TPRG1: variants seen among roughly 807,000 people sequenced by gnomAD.
TPRG1 encodes the protein tumor protein p63 regulated 1.
TPRG1 carries 29 observed loss-of-function variants against 29.3 expected under a neutral mutation model. That is an observed-to-expected ratio of 0.99 (90% CI 0.74 to 1.35). TPRG1 has a LOEUF of 1.35. Ranked by LOEUF, TPRG1 falls within the 40% of genes most tolerant of loss-of-function variation. The pLI, the probability that TPRG1 is intolerant of heterozygous loss-of-function variation, is 0.00. For synonymous variants in TPRG1, 130 were observed against 116.8 expected (o/e 1.11, Z -0.73); for missense variants, 327 against 335.0 (o/e 0.98, Z 0.19).
At chr3:189,094,640 T>TTA (rs1439268912) in intron 4 of TPRG1, among the ~76,000 whole-genome samples, 1 of 152,180 alleles carries the variant, frequency 6.6e-6, no homozygotes, top group African/African-American at 2.4e-5. Context: ...GCTGTTTGAA[T>TTA]TATAGCACTC....
At chr3:189,021,798 G>A (rs1164686350) in intron 3 of TPRG1, among the ~76,000 whole-genome samples, 1 of 152,122 alleles carries the variant, frequency 6.6e-6, no homozygotes, top group Non-Finnish European at 1.5e-5. Context: ...GATTGGGGAA[G>A]TTCTCCTGGA....
At chr3:189,317,606 A>G (rs1723742951) in intron 5 of TPRG1, among the ~76,000 whole-genome samples, 1 of 152,232 alleles carries the variant, frequency 6.6e-6, no homozygotes. Context: ...AAAGTCACAC[A>G]GCTATGTGAG....
intron 1 of TPRG1, among the ~76,000 whole-genome samples, chr3:189,183,161 A>G (rs1730461775): frequency 6.6e-6 from 1 of 152,152 alleles, no homozygotes; most frequent in African/African-American, 2.4e-5. Flanking sequence ...TACAAAAGAG[A>G]GAAATTTTAA....
At chr3:189,281,920 G>A (rs566380961) in intron 4 of TPRG1, among the ~76,000 whole-genome samples, 36 of 151,496 alleles carry the variant, frequency 2.4e-4, no homozygotes, top group African/African-American at 5.3e-4. Context: ...TCTCTCTGTC[G>A]CCCAGGCTAG....
rs900799741 is a variant in TPRG1, at chr3:189,012,200, T to C, written c.-660+7440T>C. Among the ~76,000 whole-genome samples the C allele has an allele frequency of 1.2e-4, 18 of 152,234 alleles. 1 individual carries two copies. Among genetic ancestry groups the C allele is most frequent in the African/African-American group, 4.3e-4 (18 of 41,468 alleles). ...TAGGAGTAGTGAGACAGAGCAACCT[T>C]GTGTTGTGCTGGTTTTCAAGAAGAA... On this transcript the variant is annotated intron_variant, in intron 3 of 10. Transcript: ENST00000433971.
chr3:189,098,755 C>T (rs1718862325), upstream of TPRG1, among the ~76,000 whole-genome samples: 1 of 152,132 alleles, frequency 6.6e-6, no homozygotes, highest in Admixed American at 6.5e-5. Flanking sequence ...AAACTAATTT[C>T]CAAGCCTTGT....
In TPRG1 at chr3:189,145,648, C is replaced by T. The variant is rs180829969; in HGVS notation, c.-290-1936C>T. Among the ~76,000 whole-genome samples, 108 of 152,238 alleles carry T rather than the reference C, an allele frequency of 7.1e-4. 3 individuals are homozygous for T. The South Asian group carries it at 0.016, about 22-fold the overall frequency. On this transcript the variant is annotated intron_variant, in intron 3 of 6. Transcript: ENST00000412373. ...AACAGCTAGTATCATGCTTGGCACA[C>T]ATTTTCAATAAATTAATAGCAATAA...
intron 4 of TPRG1, among the ~76,000 whole-genome samples, chr3:189,025,559 G>A (rs1211241983): frequency 6.6e-6 from 1 of 152,166 alleles, no homozygotes; most frequent in Non-Finnish European, 1.5e-5. Flanking sequence ...CAACTGGCTT[G>A]TGGATGTATC....
chr3:189,058,007 TA>T (rs2152143029), intron 4 of TPRG1, among the ~76,000 whole-genome samples: 1 of 152,050 alleles, frequency 6.6e-6, no homozygotes, highest in Admixed American at 6.6e-5. Flanking sequence ...TGCTGAATAT[TA>T]ACATGACAGT....
intron 5 of TPRG1, among the ~76,000 whole-genome samples, chr3:189,153,738 G>A (rs1040233353): frequency 2.6e-5 from 4 of 152,210 alleles, no homozygotes; most frequent in African/African-American, 9.6e-5. Flanking sequence ...ACCTCAGAGA[G>A]CTTGTTGCAG....
At chr3:189,080,470 C>T (rs1031886239) in intron 4 of TPRG1, among the ~76,000 whole-genome samples, 1 of 152,180 alleles carries the variant, frequency 6.6e-6, no homozygotes, top group Non-Finnish European at 1.5e-5. Flanking sequence ...TTTCTTGAAT[C>T]TTTTTTCCTG....
rs1048689622 is a variant in TPRG1 at position 189,323,393 on chromosome 3, A to G, written c.*2573A>G. On this transcript the variant is annotated 3_prime_UTR_variant, in exon 6 of 6. Coordinates refer to ENST00000345063, the MANE Select transcript of TPRG1 (RefSeq NM_198485.4). ...TTTCCTCTTCTGCGAAATGGAGACA[A>G]TTATATTACTTTTGCTTATTTCATA... 3 of 152,210 alleles carry G rather than the reference A, an allele frequency of 2.0e-5. No homozygotes were observed. The highest frequency in any genetic ancestry group is 6.5e-5 in the Admixed American group (1 of 15,272). 9.4% of individuals were successfully genotyped at this position (152,210 alleles called of 1,614,324 possible).
intron 5 of TPRG1, among the ~76,000 whole-genome samples, chr3:189,159,559 C>G (rs1375144535): frequency 6.6e-6 from 1 of 152,136 alleles, no homozygotes; most frequent in Non-Finnish European, 1.5e-5. Context: ...ACAGCACTAT[C>G]TAACGCAGCA....
At chr3:189,238,341 G>A (rs1179588305) in intron 3 of TPRG1, among the ~76,000 whole-genome samples, 1 of 152,180 alleles carries the variant, frequency 6.6e-6, no homozygotes, top group Non-Finnish European at 1.5e-5. Flanking sequence ...TACGGATTCA[G>A]CTAGAACAAA....
At chr3:189,069,558 G>T (rs888871054) in intron 4 of TPRG1, among the ~76,000 whole-genome samples, 3 of 151,994 alleles carry the variant, frequency 2.0e-5, no homozygotes, top group African/African-American at 7.3e-5. Context: ...TGCATCTAAA[G>T]GTATAATGAT....
intron 4 of TPRG1, among the ~76,000 whole-genome samples, chr3:189,148,373 G>A (rs936004087): frequency 6.6e-6 from 1 of 152,196 alleles, no homozygotes; most frequent in Non-Finnish European, 1.5e-5. Flanking sequence ...CCAACACGTG[G>A]TTACAACTGA....
At chr3:188,998,803 A>T (rs1399267897) in intron 1 of TPRG1, among the ~76,000 whole-genome samples, 1 of 152,188 alleles carries the variant, frequency 6.6e-6, no homozygotes, top group Non-Finnish European at 1.5e-5. Flanking sequence ...AATGATGCTT[A>T]CCAGAGGCTG....
Position 189,048,306 on chromosome 3 carries a change from G to A in TPRG1, c.-463+24360G>A, listed in dbSNP as rs539455789. On this transcript the variant is annotated intron_variant, in intron 4 of 10. Coordinates refer to the TPRG1 transcript ENST00000433971. ...AGAAATATTTTTTTCTGAGCAGTAG[G>A]TCTTAAGAGTAGGTTTAAAATATTT... 2.6e-5 allele frequency among the ~76,000 whole-genome samples: 4 copies of A among 152,252 alleles called. No individual in the cohort carries two copies. In the East Asian group the frequency reaches 7.7e-4, roughly 29 times the overall value.
chr3:189,022,509 C>T (rs1359097364), intron 3 of TPRG1, among the ~76,000 whole-genome samples: 1 of 151,522 alleles, frequency 6.6e-6, no homozygotes, highest in East Asian at 1.9e-4. Flanking sequence ...TGTCAGTGTG[C>T]CCCTGCTGGG....
Sources: allele counts gnomAD v4.1 joint callset (sites outside exome capture counted in the v4.1 genomes callset), GRCh38; gene constraint gnomAD v4.1.1; transcripts MANE v1.5; gene names NCBI Gene and HGNC (gene_info 2026-07-23, HGNC 2026-07-21).